The following LARP1B variants were observed in gnomAD, a reference collection of about 807,000 sequenced individuals.
LARP1B encodes the protein la-related protein 1B.
Under a neutral mutation model 114.2 loss-of-function variants are expected in LARP1B, and 76 were observed. The ratio of observed to expected loss-of-function variants is 0.67; its 90% CI spans 0.55 to 0.81. The LOEUF is 0.81. Ranked by LOEUF, LARP1B falls within the 30% of genes least tolerant of loss-of-function variation. LARP1B has a pLI of 0.00. For synonymous variants in LARP1B, 345 were observed against 348.0 expected, an observed-to-expected ratio of 0.99 and a Z score of 0.10; for missense variants, 1,014 against 1,075.8, an observed-to-expected ratio of 0.94 and a Z score of 0.80.
At chr4:128,173,187 C>G (rs1359508438) in intron 12 of LARP1B, among the ~76,000 whole-genome samples, 1 of 152,074 alleles carries the variant, frequency 6.6e-6, no homozygotes, top group African/African-American at 2.4e-5. Context: ...AGTTCAGTGG[C>G]CAGCAAATTG....
At chr4:128,112,874 G>T (rs192620854) in intron 9 of LARP1B, among the ~76,000 whole-genome samples, 1 of 152,250 alleles carries the variant, frequency 6.6e-6, no homozygotes, top group East Asian at 1.9e-4. Context: ...TTGAGTCCTG[G>T]TTGAGTCCAT....
At chr4:128,128,095 G>A (rs536734542) in intron 11 of LARP1B, among the ~76,000 whole-genome samples, 1 of 152,128 alleles carries the variant, frequency 6.6e-6, no homozygotes, top group East Asian at 1.9e-4. Context: ...AAGGAAGTTG[G>A]GTCCCTCCCT....
In LARP1B at chr4:128,132,991, A is replaced by G. The variant is rs184594911; in HGVS notation, c.1524+10803A>G. ...GGATCATGCAACCTAGATTCCTCGC[A>G]TTTGCAGTTCACAATAGGGTTCATG... On this transcript the variant is annotated intron_variant, in intron 11 of 19. Transcript: ENST00000326639. Among the ~76,000 whole-genome samples the G allele has an allele frequency of 3.1e-3, 470 of 152,160 alleles. 1 individual carries two copies. The highest frequency in any genetic ancestry group is 0.011 in the African/African-American group (438 of 41,524).
chr4:128,179,183 CACTTCATTT>C (rs1366476674), intron 14 of LARP1B: 1 of 382,048 alleles, frequency 2.6e-6, no homozygotes, highest in Non-Finnish European at 4.6e-6. Context: ...CACTAAGCTG[CACTTCATTT>C]CATCTTTGTG....
At chr4:128,171,772 A>G (rs532167293) in intron 12 of LARP1B, among the ~76,000 whole-genome samples, 1 of 152,346 alleles carries the variant, frequency 6.6e-6, no homozygotes, top group Admixed American at 6.5e-5. Context: ...CTGGATAAAG[A>G]ATTCTGAACT....
intron 15 of LARP1B, among the ~76,000 whole-genome samples, 160 bp from the exon 16 acceptor site, chr4:128,199,279 C>T (rs770711119): frequency 3.9e-5 from 6 of 152,198 alleles, no homozygotes; most frequent in Non-Finnish European, 7.3e-5. Context: ...ATAAATAGCA[C>T]TATATGCAGA....
At chr4:128,106,906 T>C (rs1396513746) in intron 8 of LARP1B, among the ~76,000 whole-genome samples, 5 of 152,198 alleles carry the variant, frequency 3.3e-5, no homozygotes, top group African/African-American at 1.2e-4. Flanking sequence ...ACTGTTCTAA[T>C]TGTGAAAAAT....
At chr4:128,109,481 C>T (rs1783243070) in intron 9 of LARP1B, among the ~76,000 whole-genome samples, 2 of 151,430 alleles carry the variant, frequency 1.3e-5, no homozygotes, top group Admixed American at 1.3e-4. Context: ...GAGCAGAAGT[C>T]TACCTTTATG....
chr4:128,090,514 G>A (rs1202406266), intron 5 of LARP1B, among the ~76,000 whole-genome samples: 1 of 152,154 alleles, frequency 6.6e-6, no homozygotes, highest in African/African-American at 2.4e-5. Context: ...AGTCGTATGA[G>A]TTCTTACATG....
chr4:128,092,716 A>G (rs1265914770), intron 7 of LARP1B: 1 of 977,516 alleles, frequency 1.0e-6, no homozygotes, highest in Non-Finnish European at 1.2e-6. Context: ...TTCATGGTGG[A>G]TCCAATTTGC....
At chr4:128,206,310 C>T (rs1211334181) in intron 17 of LARP1B, 118 bp from the exon 18 acceptor site, 4 of 581,802 alleles carry the variant, frequency 6.9e-6, no homozygotes, top group Non-Finnish European at 1.1e-5. Flanking sequence ...ATTAAAAAAT[C>T]TGAATGCTAA....
Position 128,207,392 on chromosome 4 carries a change from T to C in LARP1B, c.2547+9T>C. On this transcript the variant is annotated intron_variant, in intron 19 of 19. Coordinates refer to ENST00000326639, the MANE Select transcript of LARP1B (RefSeq NM_018078.4). ...AAGACTTCCGTGTTGATGTAAGTTT[T>C]AAGTCATTTCCTCTATTCTTTTTAT... 1 of 1,471,932 alleles carries C rather than the reference T, an allele frequency of 6.8e-7. No individual in the cohort carries two copies. The highest frequency in any genetic ancestry group is 9.0e-7 in the Non-Finnish European group (1 of 1,107,652). The allele number at this position is 1,471,932 out of a possible 1,614,324, so 91.2% of individuals were successfully genotyped here. A position where few individuals can be genotyped will look rare whatever the true frequency, so the allele number is the denominator to read the frequency against.
intron 11 of LARP1B, among the ~76,000 whole-genome samples, chr4:128,124,277 A>G (rs918286345): frequency 4.6e-5 from 7 of 152,192 alleles, no homozygotes; most frequent in Non-Finnish European, 1.0e-4. Flanking sequence ...CTAAAAGAAA[A>G]AAACAGGATG....
chr4:128,181,180 C>CTTTTTTTTTTTTTTTTTT (rs70966086), intron 15 of LARP1B, among the ~76,000 whole-genome samples: 2 of 130,002 alleles, frequency 1.5e-5, no homozygotes, highest in Non-Finnish European at 1.7e-5. Context: ...CTCATCCATT[C>CTTTTTTTTTTTTTTTTTT]TTTTTTTTTT....
At chr4:128,217,827 T>A in intron 6 of LARP1B, among the ~76,000 whole-genome samples, 1 of 148,248 alleles carries the variant, frequency 6.7e-6, no homozygotes, top group East Asian at 2.0e-4. Context: ...TAAAGGGTAT[T>A]CAATTAGGAA....
At chr4:128,219,704 G>A (rs1006808371) in intron 6 of LARP1B, among the ~76,000 whole-genome samples, 20 of 144,126 alleles carry the variant, frequency 1.4e-4, no homozygotes, top group Non-Finnish European at 2.3e-4. Flanking sequence ...TAGATGACGC[G>A]TTAGTGGGTG....
At chr4:128,172,373 G>C (rs1744089008) in intron 12 of LARP1B, among the ~76,000 whole-genome samples, 1 of 152,032 alleles carries the variant, frequency 6.6e-6, no homozygotes, top group East Asian at 1.9e-4. Context: ...GTGTTCAGCT[G>C]TTCCTTTAAA....
In LARP1B at chr4:128,082,255, A is replaced by G; in HGVS notation, c.308A>G (p.Gln103Arg). The part of the protein sequence containing the change: ...RPGSRNSSRC[Q>R]PEANKPTHNN... ...GGATCCCGGAACAGCTCAAGATGTC[A>G]ACCTGAAGCAAATAAACCAACACAT... The change falls in exon 5 of 20, where the codon CAA (glutamine) becomes CGA (arginine). Residue 103 changes from glutamine (Q) to arginine (R), a missense_variant. Transcript: ENST00000326639. 1 of 1,613,742 alleles carries G rather than the reference A, an allele frequency of 6.2e-7. No individual in the cohort carries two copies. Among genetic ancestry groups the G allele is most frequent in the Non-Finnish European group, 8.5e-7 (1 of 1,179,806 alleles).
chr4:128,210,631 T>A lies in LARP1B; in HGVS notation c.*578T>A, dbSNP rs1461952377. The stretch of plus-strand genomic sequence containing the variant: ...CATATAGTTTAAAGAAAACTTTTTT[T>A]AAAACAAAAGTAGGAATATATAGTA... On this transcript the variant is annotated 3_prime_UTR_variant, in exon 20 of 20. Coordinates refer to ENST00000326639, the MANE Select transcript of LARP1B (RefSeq NM_018078.4). 4.2e-6 allele frequency: 4 copies of A among 949,558 alleles called. No individual in the cohort carries two copies. In the South Asian group the frequency reaches 1.5e-4, roughly 35 times the overall value. 58.8% of individuals were successfully genotyped at this position (949,558 alleles called of 1,614,324 possible).
Sources: gnomAD v4.1 joint callset for allele counts (sites outside exome capture counted in the v4.1 genomes callset) on GRCh38, gnomAD v4.1.1 for gene constraint, MANE v1.5 for transcripts, NCBI Gene and HGNC (gene_info 2026-07-23, HGNC 2026-07-21) for gene names.